Variants in WDR91 observed in about 807,000 individuals in gnomAD.
WDR91 encodes the protein WD repeat domain 91, also known as WD repeat-containing protein 91.
Under a neutral mutation model 88.4 loss-of-function variants are expected in WDR91, and 52 were observed. The observed-to-expected ratio is 0.59, with a 90% confidence interval of 0.47 to 0.74. The LOEUF is 0.74. Among genes scored for constraint, WDR91 ranks in the 30% least tolerant of loss-of-function variants. The probability of loss-of-function intolerance (pLI) is 0.00; values close to 1 mark genes in which losing one functional copy is unlikely to be tolerated. For missense variants in WDR91, 824 were observed against 954.5 expected, an observed-to-expected ratio of 0.86 and a Z score of 1.80; for synonymous variants, 362 against 389.5, an observed-to-expected ratio of 0.93 and a Z score of 0.83.
chr7:135,209,905 G>T, intron 1 of WDR91, 150 bp from the exon 2 acceptor site: 1 of 574,160 alleles, frequency 1.7e-6, no homozygotes, highest in African/African-American at 1.9e-5. Context: ...ACATACTAAT[G>T]CAACGGTTTT....
chr7:135,193,451 G>A (rs1831247547), intron 10 of WDR91, 52 bp from the exon 11 acceptor site: 2 of 1,610,302 alleles, frequency 1.2e-6, no homozygotes, highest in African/African-American at 1.3e-5. Context: ...ACAGAGGGAG[G>A]GTGCACTTTG....
intron 6 of WDR91, chr7:135,200,061 A>G (rs1210547122): frequency 6.6e-6 from 1 of 152,260 alleles, no homozygotes; most frequent in African/African-American, 2.4e-5. Flanking sequence ...AGCATGACCT[A>G]TCAGATTTTG....
chr7:135,190,833 A>G lies in WDR91; in HGVS notation c.1660-1381T>C, dbSNP rs548149938. Reference sequence around the variant, plus strand: ...TATCAAGAATGCAGCAAAGTGAAACAAAAAAGAGGAAGAGGCAAGTTCTAA... The same window carrying G: ...TATCAAGAATGCAGCAAAGTGAAACGAAAAAGAGGAAGAGGCAAGTTCTAA... On this transcript the variant is annotated intron_variant, in intron 11 of 14. Transcript: ENST00000354475. Among the ~76,000 whole-genome samples the G allele has an allele frequency of 1.8e-3, 268 of 152,298 alleles. 1 individual carries two copies. Among genetic ancestry groups the G allele is most frequent in the Non-Finnish European group, 3.1e-3 (211 of 68,034 alleles).
At chr7:135,207,349 A>G (rs371740953) in intron 3 of WDR91, 147 bp from the exon 4 acceptor site, 12 of 677,368 alleles carry the variant, frequency 1.8e-5, no homozygotes, top group Non-Finnish European at 3.2e-5. Context: ...GCTTAATGAA[A>G]TAGTCGCTCC....
chr7:135,186,149 C>T lies in WDR91; in HGVS notation c.*2G>A, dbSNP rs770850054. 1.3e-6 allele frequency: 2 copies of T among 1,589,532 alleles called. No homozygotes were observed. Among genetic ancestry groups the T allele is most frequent in the Non-Finnish European group, 1.7e-6 (2 of 1,171,098 alleles). On this transcript the variant is annotated 3_prime_UTR_variant, in exon 15 of 15. Transcript: ENST00000354475. Reference sequence around the variant, plus strand: ...TCCTCGGGTGGCCCTTGGGGCAAGTCATCAGGCTTTATGGGCCAGGAGGGT... The same window carrying T: ...TCCTCGGGTGGCCCTTGGGGCAAGTTATCAGGCTTTATGGGCCAGGAGGGT...
Position 135,186,288 on chromosome 7 carries a change from T to C in WDR91, c.2107A>G (p.Ser703Gly). ...CGGTGGCCACCTAGGCTCAAGCAGC[T>C]CTCCAGAACCTTCTCATCGCCACCC... ...KLGGDEKVLE[S>G]CLSLGGHRAP... The change falls in exon 15 of 15, where the codon AGC becomes GGC. Residue 703 changes from serine to glycine, a missense_variant. Ser to Gly is a moderately conservative substitution (Grantham distance 56, BLOSUM62 0). Transcript: ENST00000354475. 6.2e-7 allele frequency: 1 copy of C among 1,611,862 alleles called. No individual in the cohort carries two copies. Among genetic ancestry groups the C allele is most frequent in the Non-Finnish European group, 8.5e-7 (1 of 1,179,106 alleles).
At position 135,208,809 on chromosome 7, in the gene WDR91, C is replaced by T. The variant is rs201146050; in HGVS notation, c.493G>A (p.Val165Ile). ...FIVSLHNFLS[V>I]LFQCMPVPVI... The stretch of plus-strand genomic sequence containing the variant: ...AGGATATGCATGCACTGAAACAGGA[C>T]GCTCAGGAAGTTGTGCAGGGACACA... The change falls in exon 3 of 15, where the codon GTC (valine) becomes ATC (isoleucine). Residue 165 changes from valine (V) to isoleucine (I), a missense_variant. Transcript: ENST00000354475. The T allele has an allele frequency of 3.9e-4, 621 of 1,609,414 alleles. 5 individuals carry two copies. Among genetic ancestry groups the T allele is most frequent in the South Asian group, 2.0e-3 (181 of 90,306 alleles).
At chr7:135,201,597 G>A (rs549158922) in intron 6 of WDR91, 2 of 152,296 alleles carry the variant, frequency 1.3e-5, no homozygotes, top group Admixed American at 1.3e-4. Flanking sequence ...AGATAGGAAA[G>A]TCTAATCATT....
intron 1 of WDR91, chr7:135,211,022 A>C: frequency 1.5e-6 from 1 of 663,544 alleles, no homozygotes; most frequent in East Asian, 2.7e-5. Context: ...TGCCACTGGA[A>C]GCCAACACGA....
intron 14 of WDR91, among the ~76,000 whole-genome samples, chr7:135,186,668 T>C (rs755892122): frequency 6.6e-6 from 1 of 152,242 alleles, no homozygotes; most frequent in Non-Finnish European, 1.5e-5. Context: ...TGTTGAAGGT[T>C]CATGTCCCAT....
At chr7:135,209,881 A>G (rs1831949488) in intron 1 of WDR91, 126 bp from the exon 2 acceptor site, 1 of 817,484 alleles carries the variant, frequency 1.2e-6, no homozygotes, top group Non-Finnish European at 1.8e-6. Flanking sequence ...TTAGCAATCT[A>G]TAAAATTTTC....
Position 135,209,691 on chromosome 7 carries a change from T to C in WDR91, c.188A>G (p.Asp63Gly), listed in dbSNP as rs1585444415. Residue 63 changes from aspartate (D) to glycine (G), a missense_variant, in exon 2 of 15, where the codon GAT becomes GGT. Asp to Gly is a moderately conservative substitution (Grantham distance 94). Transcript: ENST00000354475. ...MQVYDLAALRDYWSYLERRLF... is the reference protein window; with the variant it reads ...MQVYDLAALRGYWSYLERRLF... Reference sequence around the variant, plus strand: ...CCGACGCTCCAAGTAGCTCCAATAATCCCGAAGGGCAGCCAAGTCATACAC... The same window carrying C: ...CCGACGCTCCAAGTAGCTCCAATAACCCCGAAGGGCAGCCAAGTCATACAC... 1 of 1,613,388 alleles carries C rather than the reference T, an allele frequency of 6.2e-7. No homozygotes were observed. The highest frequency in any genetic ancestry group is 8.5e-7 in the Non-Finnish European group (1 of 1,179,690).
At chr7:135,199,057 A>T (rs1831477881) in intron 6 of WDR91, 1 of 152,222 alleles carries the variant, frequency 6.6e-6, no homozygotes. Flanking sequence ...CAATCTTCTC[A>T]AGAAACCATT....
intron 4 of WDR91, among the ~76,000 whole-genome samples, chr7:135,206,745 T>C (rs1259089914): frequency 6.6e-6 from 1 of 151,332 alleles, no homozygotes; most frequent in Non-Finnish European, 1.5e-5. Context: ...TATATATACA[T>C]ATAGTTTACA....
At position 135,196,780 on chromosome 7, in the gene WDR91, G is replaced by A. The variant is rs1351663018; in HGVS notation, c.1051-443C>T. On this transcript the variant is annotated intron_variant, in intron 7 of 14. Transcript: ENST00000354475. This position sits in a 1 kb window ranked among gnomAD's most constrained non-coding sequence, Gnocchi z 4.2. The stretch of plus-strand genomic sequence containing the variant: ...CTGTGGAAACTAAAAGACTGAAAGA[G>A]AAGCCAAATCCCTTGCCCAAAGTCA... Among the ~76,000 whole-genome samples the A allele has an allele frequency of 1.3e-5, 2 of 152,248 alleles. No homozygotes were observed. Among genetic ancestry groups the A allele is most frequent in the Non-Finnish European group, 2.9e-5 (2 of 68,042 alleles).
intron 11 of WDR91, among the ~76,000 whole-genome samples, chr7:135,191,440 C>A (rs1434194018): frequency 2.6e-5 from 4 of 151,772 alleles, no homozygotes; most frequent in African/African-American, 9.7e-5. Flanking sequence ...CCCATTTCTA[C>A]TAAAAATACA....
At chr7:135,207,383 T>C (rs765037588) in intron 3 of WDR91, 181 bp from the exon 4 acceptor site, 1 of 613,066 alleles carries the variant, frequency 1.6e-6, no homozygotes, top group Non-Finnish European at 3.1e-6. Flanking sequence ...TCTAAGACTT[T>C]CTCTAGGTCT....
intron 6 of WDR91, among the ~76,000 whole-genome samples, chr7:135,203,135 C>T (rs184310711): frequency 6.6e-6 from 1 of 152,334 alleles, no homozygotes; most frequent in African/African-American, 2.4e-5. Flanking sequence ...AAACGAGGAG[C>T]CAGAGCTGAA....
intron 3 of WDR91, 152 bp from the exon 4 acceptor site, chr7:135,207,354 C>T (rs1432252520): frequency 7.6e-6 from 5 of 662,154 alleles, no homozygotes; most frequent in East Asian, 3.3e-5. Context: ...ATGAAATAGT[C>T]GCTCCCTACA....
Sources: gnomAD v4.1 joint callset for allele counts (sites outside exome capture counted in the v4.1 genomes callset) on GRCh38, gnomAD v4.1.1 for gene constraint, Gnocchi (gnomAD v3.1) non-coding constraint, MANE v1.5 for transcripts, NCBI Gene and HGNC (gene_info 2026-07-23, HGNC 2026-07-21) for gene names.